The following MYO15B variants were observed in gnomAD, a reference collection of about 807,000 sequenced individuals.
MYO15B encodes the protein myosin XVB, also known as myosin XVB pseudogene.
MYO15B carries 207 observed loss-of-function variants against 119.3 expected under a neutral mutation model. The observed-to-expected ratio is 1.73, with a 90% CI of 1.55 to 1.95. MYO15B has a LOEUF of 1.95. Among genes scored for constraint, MYO15B ranks in the 30% most tolerant of loss-of-function variants. The pLI is 0.00. For synonymous variants in MYO15B, 966 were observed against 498.9 expected (o/e 1.94, Z -12.48); for missense variants, 2,264 against 1,203.1 (o/e 1.88, Z -13.04).
chr17:75,622,361 C>T (rs2058757780), intron 53 of MYO15B, among the ~76,000 whole-genome samples: 1 of 152,120 alleles, frequency 6.6e-6, no homozygotes, highest in Non-Finnish European at 1.5e-5. Context: ...AGCCTTCCTA[C>T]AGGGAGGGAA....
chr17:75,613,136 C>A (rs997159402), exon 27 of MYO15B: 3 of 702,638 alleles, frequency 4.3e-6, no homozygotes, highest in Non-Finnish European at 7.8e-6. Flanking sequence ...GCAGAGCCAG[C>A]GTGGCTGGGC....
At chr17:75,593,816 G>A (rs1448869128) in intron 9 of MYO15B, among the ~76,000 whole-genome samples, 1 of 151,284 alleles carries the variant, frequency 6.6e-6, no homozygotes, top group Admixed American at 6.6e-5. Flanking sequence ...CTACTTAGGA[G>A]GCTGAGACAG....
At position 75,589,371 on chromosome 17, in the gene MYO15B, G is replaced by A. The variant is rs1019657613; in HGVS notation, c.1314G>A (p.Gly438=). The A allele has an allele frequency of 9.0e-5, 35 of 388,268 alleles. No homozygotes were observed. The highest frequency in any genetic ancestry group is 4.5e-5 in the Non-Finnish European group (10 of 221,622). The allele number at this position is 388,268 out of a possible 1,614,324, so 24.1% of individuals were successfully genotyped here. A position where few individuals can be genotyped will look rare whatever the true frequency, so the allele number is the denominator to read the frequency against. Residue 438 remains glycine, a synonymous_variant, in exon 1 of 64, where the codon GGG becomes GGA. Transcript: ENST00000645453. The surrounding 1 kb of genome is among the most constrained non-coding windows in gnomAD (Gnocchi z 4.2). ...ATGAAGGGCGGGGCCACGAGCGAGG[G>A]GACGAGGGTCGGGGCCGCGGGAAAG... is the stretch of plus-strand genomic sequence containing the variant.
chr17:75,618,539 C>A (rs1426720520), intron 43 of MYO15B, among the ~76,000 whole-genome samples: 1 of 152,196 alleles, frequency 6.6e-6, no homozygotes, highest in Non-Finnish European at 1.5e-5. Context: ...ACCCCAGCTA[C>A]TTGGGAGGCT....
At chr17:75,599,394 C>T (rs1385805994) in intron 14 of MYO15B, among the ~76,000 whole-genome samples, 1 of 152,114 alleles carries the variant, frequency 6.6e-6, no homozygotes, top group Non-Finnish European at 1.5e-5. Flanking sequence ...ACTGCCTCAG[C>T]CTTCCAAGTA....
Position 75,589,424 on chromosome 17 carries a change from G to C in MYO15B, c.1367G>C (p.Gly456Ala). ...GACGAAGGGCGGGGCCACGAGCGAG[G>C]GTACGAGGGGCGGGGCTGCGGGAAA... The change falls in exon 1 of 64, where the codon GGG (glycine) becomes GCG (alanine). Residue 456 changes from glycine (G) to alanine (A), a missense_variant. Coordinates refer to ENST00000645453, the Ensembl canonical transcript of MYO15B. The surrounding 1 kb of genome is among the most constrained non-coding windows in gnomAD (Gnocchi z 4.2). The C allele has an allele frequency of 2.6e-6, 1 of 386,292 alleles. No homozygotes were observed. The highest frequency in any genetic ancestry group is 6.3e-4 in the Middle Eastern group (1 of 1,580). 23.9% of individuals were successfully genotyped at this position (386,292 alleles called of 1,614,324 possible).
intron 21 of MYO15B, among the ~76,000 whole-genome samples, chr17:75,609,797 C>T (rs754024572): frequency 1.8e-4 from 27 of 150,874 alleles, no homozygotes; most frequent in Non-Finnish European, 3.1e-4. Flanking sequence ...TCTCCACCTC[C>T]CAGGTTCAAG....
chr17:75,592,359 GTGTCAC>G (rs2056525250), intron 7 of MYO15B, 58 bp downstream of exon 7: 1 of 700,240 alleles, frequency 1.4e-6, no homozygotes, highest in Non-Finnish European at 2.6e-6. Flanking sequence ...AGGGCAGAGG[GTGTCAC>G]TGTCGGGGTG....
At chr17:75,601,554 C>T (rs1301103866) in exon 15 of MYO15B, 1 of 703,136 alleles carries the variant, frequency 1.4e-6, no homozygotes, top group African/African-American at 1.7e-5. Flanking sequence ...CAGGGACTGT[C>T]ACCTACCAGG....
At chr17:75,593,646 G>A (rs748718155) in intron 9 of MYO15B, among the ~76,000 whole-genome samples, 45 of 151,620 alleles carry the variant, frequency 3.0e-4, no homozygotes, top group Non-Finnish European at 5.0e-4. Context: ...CAGACTGGGC[G>A]TGGTGGCTCA....
chr17:75,621,489 C>G lies in MYO15B; in HGVS notation c.7936-12C>G, dbSNP rs756172062. The G allele has an allele frequency of 2.9e-6, 2 of 701,620 alleles. No homozygotes were observed. The highest frequency in any genetic ancestry group is 3.0e-5 in the South Asian group (2 of 67,582). The allele number at this position is 701,620 out of a possible 1,614,324, so 43.5% of individuals were successfully genotyped here. ...GCCCCCCAGACCCATGGCCTCCTCTCTTTGGCCACAGGCTCCCATCCAGGA... is the reference window on the plus strand; with the variant it reads ...GCCCCCCAGACCCATGGCCTCCTCTGTTTGGCCACAGGCTCCCATCCAGGA... On this transcript the variant is annotated splice_polypyrimidine_tract_variant and intron_variant, in intron 51 of 63. Coordinates refer to ENST00000645453, the Ensembl canonical transcript of MYO15B.
chr17:75,622,112 G>C (rs1397536461), intron 53 of MYO15B, 32 bp downstream of exon 53: 1 of 702,116 alleles, frequency 1.4e-6, no homozygotes. Context: ...CCCAGCGCCT[G>C]TGCCTGTCCT....
rs2147677102 is a variant in MYO15B at position 75,589,507 on chromosome 17, T to G, written c.1450T>G (p.Tyr484Asp). ...CGAGGGCCGGGACCACCAGAGAGGG[T>G]ACGAGGGGTGGGGCCGTGAGCCCGG... is the stretch of plus-strand genomic sequence containing the variant. Residue 484 changes from tyrosine to aspartate, a missense_variant, in exon 1 of 64, where the codon TAC becomes GAC. Coordinates refer to ENST00000645453, the Ensembl canonical transcript of MYO15B. The surrounding 1 kb of genome is among the most constrained non-coding windows in gnomAD (Gnocchi z 4.2). 2 of 391,364 alleles carry G rather than the reference T, an allele frequency of 5.1e-6. No individual in the cohort carries two copies. Among genetic ancestry groups the G allele is most frequent in the Non-Finnish European group, 8.9e-6 (2 of 223,940 alleles). 24.2% of individuals were successfully genotyped at this position (391,364 alleles called of 1,614,324 possible). A position where few individuals can be genotyped will look rare whatever the true frequency, so the allele number is the denominator to read the frequency against.
At chr17:75,610,221 G>T (rs820137) in exon 22 of MYO15B, 1 of 701,190 alleles carries the variant, frequency 1.4e-6, no homozygotes, top group African/African-American at 1.8e-5. Context: ...CATCCTGCTG[G>T]TGGCCCAGCC....
At chr17:75,609,159 G>A (rs1309103717) in intron 21 of MYO15B, among the ~76,000 whole-genome samples, 1 of 151,882 alleles carries the variant, frequency 6.6e-6, no homozygotes, top group Non-Finnish European at 1.5e-5. Flanking sequence ...ATACGGGTAT[G>A]AGCCATTGCA....
At chr17:75,613,441 C>G (rs761048073) in exon 28 of MYO15B, 1 of 681,274 alleles carries the variant, frequency 1.5e-6, no homozygotes, top group South Asian at 1.5e-5. Flanking sequence ...GCGGCGGGGC[C>G]GCATGGCGCT....
At chr17:75,601,205 A>AT (rs35781257) in intron 14 of MYO15B, among the ~76,000 whole-genome samples, 1 of 151,908 alleles carries the variant, frequency 6.6e-6, no homozygotes. Flanking sequence ...GCCCAGCCCA[A>AT]TTTTTAAATT....
At position 75,608,543 on chromosome 17, in the gene MYO15B, A is replaced by T. The variant is rs141942368; in HGVS notation, c.4293-1623A>T. 8.5e-4 allele frequency among the ~76,000 whole-genome samples: 129 copies of T among 151,032 alleles called. 2 individuals carry two copies. Among genetic ancestry groups the T allele is most frequent in the African/African-American group, 2.9e-3 (120 of 41,260 alleles). ...GTAATCCCAGCTCCTCAGGAGGCTG[A>T]GGCACGAGAATCACTTGAACCTGGG... On this transcript the variant is annotated intron_variant, in intron 21 of 63. Transcript: ENST00000645453.
At chr17:75,600,439 T>TG (rs2057187631) in intron 14 of MYO15B, among the ~76,000 whole-genome samples, 1 of 151,588 alleles carries the variant, frequency 6.6e-6, no homozygotes. Context: ...TCTTTTTTTT[T>TG]TTTTGTTTAA....
Sources: gnomAD v4.1 joint callset for allele counts (sites outside exome capture counted in the v4.1 genomes callset) on GRCh38, gnomAD v4.1.1 for gene constraint, Gnocchi (gnomAD v3.1) non-coding constraint, MANE v1.5 for transcripts, NCBI Gene and HGNC (gene_info 2026-07-23, HGNC 2026-07-21) for gene names.